Variants in LINGO2 observed in about 807,000 individuals in gnomAD.
LINGO2 encodes the protein leucine-rich repeat and immunoglobulin-like domain-containing nogo receptor-interacting protein 2.
Under a neutral mutation model 30.6 loss-of-function variants are expected in LINGO2, and 14 were observed. The observed-to-expected ratio is 0.46, with a 90% CI of 0.30 to 0.72. LINGO2 has a LOEUF of 0.72. Ranked by LOEUF, LINGO2 falls within the 30% of genes least tolerant of loss-of-function variation. LINGO2 has a pLI of 0.07. For synonymous variants in LINGO2, 317 were observed against 288.5 expected (o/e 1.10, Z -1.00); for missense variants, 729 against 751.7 (o/e 0.97, Z 0.35).
chr9:28,449,232 A>G (rs573178760), intron 2 of LINGO2, among the ~76,000 whole-genome samples: 7 of 152,194 alleles, frequency 4.6e-5, no homozygotes, highest in Admixed American at 4.6e-4. Context: ...ACTGTATTCC[A>G]AAGTTTACTT....
At chr9:29,005,718 T>C in the LINGO2 span, among the ~76,000 whole-genome samples, 1 of 152,002 alleles carries the variant, frequency 6.6e-6, no homozygotes. Context: ...AACCCGGCCC[T>C]TCACGTATGC....
intron 2 of LINGO2, among the ~76,000 whole-genome samples, chr9:28,376,409 C>T (rs1821134161): frequency 6.6e-6 from 1 of 152,176 alleles, no homozygotes. Flanking sequence ...GAGCTGTTCT[C>T]AGATGGGATA....
At chr9:28,781,434 G>T in the LINGO2 span, among the ~76,000 whole-genome samples, 1 of 152,136 alleles carries the variant, frequency 6.6e-6, no homozygotes, top group African/African-American at 2.4e-5. Flanking sequence ...CATAAAGATA[G>T]CACGCTGAAA....
the LINGO2 span, among the ~76,000 whole-genome samples, chr9:29,169,481 T>A: frequency 6.6e-6 from 1 of 151,854 alleles, no homozygotes; most frequent in Non-Finnish European, 1.5e-5. Context: ...TACACAGACA[T>A]TCTTCAAAAG....
At chr9:28,889,353 C>T in the LINGO2 span, among the ~76,000 whole-genome samples, 6,235 of 152,060 alleles carry the variant, frequency 0.041, 195 homozygotes, top group Admixed American at 0.082. Context: ...GCAAAGGGAA[C>T]TACGAGATCA....
At chr9:28,504,465 G>A (rs540501363) in intron 1 of LINGO2, among the ~76,000 whole-genome samples, 1 of 151,648 alleles carries the variant, frequency 6.6e-6, no homozygotes. Context: ...CACACATAAG[G>A]CTTCTAAATT....
intron 1 of LINGO2, among the ~76,000 whole-genome samples, chr9:28,574,077 T>C (rs546455193): frequency 2.0e-5 from 3 of 152,268 alleles, no homozygotes; most frequent in Non-Finnish European, 2.9e-5. Context: ...GATCTTTATA[T>C]ACAAATCAGA....
chr9:28,973,105 G>T, the LINGO2 span, among the ~76,000 whole-genome samples: 1 of 152,130 alleles, frequency 6.6e-6, no homozygotes, highest in Non-Finnish European at 1.5e-5. Context: ...AGGACATAGG[G>T]GTAGAATGTT....
chr9:28,008,182 G>T (rs1587676443), intron 5 of LINGO2, among the ~76,000 whole-genome samples: 1 of 152,206 alleles, frequency 6.6e-6, no homozygotes, highest in East Asian at 1.9e-4. Context: ...GAAACTCAAA[G>T]ATTATGTTGC....
chr9:28,490,977 A>G (rs1826371333), intron 1 of LINGO2, among the ~76,000 whole-genome samples: 1 of 152,246 alleles, frequency 6.6e-6, no homozygotes, highest in Non-Finnish European at 1.5e-5. Flanking sequence ...AAAACCAAAG[A>G]GAAAACAATG....
At chr9:28,929,165 A>G in the LINGO2 span, among the ~76,000 whole-genome samples, 2 of 152,196 alleles carry the variant, frequency 1.3e-5, no homozygotes, top group Admixed American at 6.5e-5. Context: ...CATGACTTTT[A>G]GCCCACTTCA....
intron 4 of LINGO2, among the ~76,000 whole-genome samples, chr9:28,151,505 C>G (rs899994018): frequency 9.2e-5 from 14 of 151,714 alleles, no homozygotes; most frequent in Non-Finnish European, 1.5e-4. Flanking sequence ...TTTAGAAGTA[C>G]TGCAAATCAA....
chr9:28,233,303 T>C (rs1270658183), intron 4 of LINGO2, among the ~76,000 whole-genome samples: 1 of 151,932 alleles, frequency 6.6e-6, no homozygotes, highest in Non-Finnish European at 1.5e-5. Flanking sequence ...CAACTAAACA[T>C]ACATTTACTT....
At chr9:28,221,052 C>A (rs940660768) in intron 4 of LINGO2, among the ~76,000 whole-genome samples, 1 of 152,120 alleles carries the variant, frequency 6.6e-6, no homozygotes, top group African/African-American at 2.4e-5. Context: ...GTAATCCCAG[C>A]ACTTTGGGAG....
intron 2 of LINGO2, among the ~76,000 whole-genome samples, chr9:28,427,531 G>T (rs528776135): frequency 3.9e-4 from 60 of 152,166 alleles, no homozygotes; most frequent in African/African-American, 1.4e-3. Context: ...GTTTATAAAG[G>T]TTAAATCATT....
At chr9:28,850,976 AG>A in the LINGO2 span, among the ~76,000 whole-genome samples, 7 of 152,034 alleles carry the variant, frequency 4.6e-5, no homozygotes, top group Non-Finnish European at 1.0e-4. Flanking sequence ...GTTTACTTCC[AG>A]TAGCCTCTTT....
intron 1 of LINGO2, among the ~76,000 whole-genome samples, chr9:28,507,239 G>A (rs187812240): frequency 2.4e-5 from 1 of 42,224 alleles, no homozygotes; most frequent in Admixed American, 3.5e-4. Context: ...GTGTGTGTGC[G>A]TGCGTGCGCA....
chr9:28,771,506 T>TGA, the LINGO2 span, among the ~76,000 whole-genome samples: 581 of 95,074 alleles, frequency 6.1e-3, 4 homozygotes, highest in Non-Finnish European at 0.01. Context: ...TGTGTGTGTG[T>TGA]GAGAGAGAGA....
At chr9:28,444,409 C>T (rs1289798029) in intron 2 of LINGO2, among the ~76,000 whole-genome samples, 4 of 152,196 alleles carry the variant, frequency 2.6e-5, no homozygotes, top group Non-Finnish European at 5.9e-5. Context: ...TGGGCAAGCC[C>T]ATGAGTTGTG....
Sources: allele counts gnomAD v4.1 joint callset (sites outside exome capture counted in the v4.1 genomes callset), GRCh38; gene constraint gnomAD v4.1.1; transcripts MANE v1.5; gene names NCBI Gene and HGNC (gene_info 2026-07-23, HGNC 2026-07-21).